The following NTRK2 variants were observed in gnomAD, a reference collection of about 807,000 sequenced individuals.
NTRK2 encodes the protein neurotrophic receptor tyrosine kinase 2.
NTRK2 carries 13 observed loss-of-function variants against 94.5 expected under a neutral mutation model. That is an observed-to-expected ratio of 0.14 (90% confidence interval 0.09 to 0.22). The LOEUF is 0.22. NTRK2 is among the 10% of genes least tolerant of loss of function. The pLI, the probability that NTRK2 is intolerant of heterozygous loss-of-function variation, is 1.00. For missense variants in NTRK2, 639 were observed against 1,071.2 expected (o/e 0.60, Z 5.63); for synonymous variants, 372 against 407.4 (o/e 0.91, Z 1.05).
At chr9:84,995,118 C>T (rs1341724855) in intron 17 of NTRK2, among the ~76,000 whole-genome samples, 2 of 152,164 alleles carry the variant, frequency 1.3e-5, no homozygotes, top group South Asian at 4.1e-4. Flanking sequence ...AGTAAATGTT[C>T]TCCCCTTCTG....
chr9:84,790,559 C>T (rs1045370053), intron 12 of NTRK2, among the ~76,000 whole-genome samples: 4 of 152,216 alleles, frequency 2.6e-5, no homozygotes, highest in Non-Finnish European at 5.9e-5. Flanking sequence ...AGAAACAGAG[C>T]TTGATCAATA....
Position 84,959,139 on chromosome 9 carries a change from T to A in NTRK2, c.2172+3622T>A, listed in dbSNP as rs572088654. On this transcript the variant is annotated intron_variant, in intron 17 of 18. Transcript: ENST00000277120. Reference sequence around the variant, plus strand: ...CTGGCACCTTAGTAATTTTTAAAAATTTTTTTCATTATTTTATCCCTATCC... The same window carrying A: ...CTGGCACCTTAGTAATTTTTAAAAAATTTTTTCATTATTTTATCCCTATCC... 7.8e-3 allele frequency among the ~76,000 whole-genome samples: 1,183 copies of A among 152,128 alleles called. 9 individuals are homozygous for A. The highest frequency in any genetic ancestry group is 0.012 in the Non-Finnish European group (850 of 68,022).
At chr9:84,670,049 G>T (rs1011463806) in intron 1 of NTRK2, among the ~76,000 whole-genome samples, 161 bp downstream of exon 1, 1 of 152,170 alleles carries the variant, frequency 6.6e-6, no homozygotes, top group African/African-American at 2.4e-5. Context: ...GGGCCCCGTC[G>T]CGGAGCCAAA....
At chr9:84,870,278 A>C (rs1420822207) in intron 14 of NTRK2, among the ~76,000 whole-genome samples, 1 of 135,844 alleles carries the variant, frequency 7.4e-6, no homozygotes, top group Admixed American at 7.4e-5. Flanking sequence ...ACATATAGGT[A>C]TGTGTACATA....
chr9:84,886,250 A>G (rs1294504763), intron 14 of NTRK2, among the ~76,000 whole-genome samples: 2 of 152,212 alleles, frequency 1.3e-5, no homozygotes, highest in Non-Finnish European at 2.9e-5. Context: ...CCAAAGAGGA[A>G]GTAATGGTTA....
chr9:84,877,441 T>C, intron 14 of NTRK2: 3 of 1,066,070 alleles, frequency 2.8e-6, no homozygotes, highest in South Asian at 4.5e-5. Flanking sequence ...TATGGATAGA[T>C]GTTCCTCAAG....
chr9:84,878,290 G>T (rs571892062), intron 14 of NTRK2, among the ~76,000 whole-genome samples: 1 of 152,280 alleles, frequency 6.6e-6, no homozygotes, highest in South Asian at 2.1e-4. Flanking sequence ...AGTGTAAGGT[G>T]AGTGAGCTTA....
intron 12 of NTRK2, among the ~76,000 whole-genome samples, chr9:84,779,158 A>G (rs1397389976): frequency 2.0e-5 from 3 of 152,200 alleles, no homozygotes; most frequent in African/African-American, 7.2e-5. Context: ...AAAATAAACA[A>G]CAAGCAATAA....
chr9:84,985,389 A>G (rs1828171346), intron 17 of NTRK2, among the ~76,000 whole-genome samples: 1 of 152,222 alleles, frequency 6.6e-6, no homozygotes, highest in African/African-American at 2.4e-5. Flanking sequence ...ATATCTACCC[A>G]AAAGTTCCAC....
At chr9:84,729,291 G>A (rs971250848) in intron 9 of NTRK2, among the ~76,000 whole-genome samples, 3 of 152,156 alleles carry the variant, frequency 2.0e-5, no homozygotes, top group East Asian at 1.9e-4. Flanking sequence ...TTTATAAACA[G>A]TAGCCCTTCA....
At chr9:84,995,659 C>T (rs1368631994) in intron 17 of NTRK2, among the ~76,000 whole-genome samples, 1 of 152,152 alleles carries the variant, frequency 6.6e-6, no homozygotes, top group Non-Finnish European at 1.5e-5. Flanking sequence ...GAATGCCTAG[C>T]TTGCTGGGTT....
At chr9:84,905,079 A>T (rs984846375) in intron 14 of NTRK2, among the ~76,000 whole-genome samples, 4 of 152,228 alleles carry the variant, frequency 2.6e-5, no homozygotes, top group African/African-American at 9.6e-5. Flanking sequence ...TGGTGGCCAC[A>T]TTCACGAGAA....
intron 6 of NTRK2, among the ~76,000 whole-genome samples, chr9:84,714,220 A>AT (rs912452353): frequency 7.3e-5 from 11 of 151,478 alleles, no homozygotes; most frequent in East Asian, 1.9e-4. Flanking sequence ...CTCGTGAGTC[A>AT]TTTTTTTTGT....
intron 10 of NTRK2, among the ~76,000 whole-genome samples, chr9:84,744,507 G>A (rs1207951419): frequency 6.6e-6 from 1 of 152,058 alleles, no homozygotes; most frequent in African/African-American, 2.4e-5. Context: ...GGCGTCACGT[G>A]TGAGCGCTAC....
intron 2 of NTRK2, among the ~76,000 whole-genome samples, chr9:84,687,785 C>G (rs1480362652): frequency 6.6e-6 from 1 of 152,182 alleles, no homozygotes; most frequent in African/African-American, 2.4e-5. Context: ...GTACCTGGTA[C>G]TTTCCTGGGT....
intron 17 of NTRK2, among the ~76,000 whole-genome samples, chr9:84,976,782 C>A (rs995640865): frequency 4.6e-5 from 7 of 151,980 alleles, no homozygotes; most frequent in Non-Finnish European, 1.0e-4. Flanking sequence ...AGCAGGGTTT[C>A]TTTGACTTTT....
chr9:84,738,505 T>G (rs1448111616), intron 9 of NTRK2, among the ~76,000 whole-genome samples: 1 of 152,184 alleles, frequency 6.6e-6, no homozygotes, highest in Non-Finnish European at 1.5e-5. Flanking sequence ...AAAAAGAAAG[T>G]GATACATTTT....
chr9:84,735,397 C>G (rs2063184757), intron 9 of NTRK2, among the ~76,000 whole-genome samples: 1 of 152,100 alleles, frequency 6.6e-6, no homozygotes, highest in African/African-American at 2.4e-5. Flanking sequence ...TAACAAGCTC[C>G]CCGATGATGC....
chr9:84,856,004 T>G (rs1471935390), intron 12 of NTRK2, among the ~76,000 whole-genome samples: 1 of 152,180 alleles, frequency 6.6e-6, no homozygotes, highest in African/African-American at 2.4e-5. Flanking sequence ...CTGGGAAATA[T>G]CGTGTAGCTA....
Sources: allele counts gnomAD v4.1 joint callset (sites outside exome capture counted in the v4.1 genomes callset), GRCh38; gene constraint gnomAD v4.1.1; transcripts MANE v1.5; gene names NCBI Gene and HGNC (gene_info 2026-07-23, HGNC 2026-07-21).